The following P3H2 variants were observed in gnomAD, a reference collection of about 807,000 sequenced individuals.
P3H2 encodes prolyl 3-hydroxylase 2, also known as leprecan-like 1.
A neutral mutation model predicts 87.0 loss-of-function variants in P3H2; 80 were observed. That is an observed-to-expected ratio of 0.92 (90% CI 0.77 to 1.11). The LOEUF is 1.11. P3H2 is among the 50% of genes least tolerant of loss of function. The pLI is 0.00. For missense variants in P3H2, 1,001 were observed against 923.9 expected (o/e 1.08, Z -1.08); for synonymous variants, 367 against 359.3 (o/e 1.02, Z -0.24).
At chr3:189,967,350 C>A (rs992872618) in intron 13 of P3H2, among the ~76,000 whole-genome samples, 1 of 150,416 alleles carries the variant, frequency 6.6e-6, no homozygotes, top group Non-Finnish European at 1.5e-5. Context: ...AGAATATTAT[C>A]TGCTTTCACA....
chr3:189,991,468 T>C (rs374029363), intron 3 of P3H2, among the ~76,000 whole-genome samples: 19 of 152,236 alleles, frequency 1.2e-4, no homozygotes, highest in African/African-American at 4.6e-4. Context: ...TGCTATGAGA[T>C]AGATGGATAT....
intron 8 of P3H2, among the ~76,000 whole-genome samples, chr3:189,981,348 C>A (rs751475073): frequency 6.6e-6 from 1 of 152,174 alleles, no homozygotes; most frequent in Non-Finnish European, 1.5e-5. Flanking sequence ...TCCAGACAGA[C>A]AGTGTCAGAA....
chr3:189,972,114 C>A (rs764643329), intron 11 of P3H2, 107 bp from the exon 12 acceptor site: 2 of 759,734 alleles, frequency 2.6e-6, no homozygotes, highest in Non-Finnish European at 4.8e-6. Context: ...TGCAAATGGG[C>A]AGAGGCAGAC....
intron 12 of P3H2, among the ~76,000 whole-genome samples, chr3:189,971,366 TAC>T (rs2108908005): frequency 6.6e-6 from 1 of 152,350 alleles, no homozygotes; most frequent in African/African-American, 2.4e-5. Flanking sequence ...TGGAATCGAG[TAC>T]AGTGTAGTAA....
intron 1 of P3H2, among the ~76,000 whole-genome samples, chr3:190,109,440 G>A (rs67780977): frequency 0.12 from 18,877 of 152,194 alleles, 1,300 homozygotes; most frequent in Middle Eastern, 0.21. Flanking sequence ...CAAAGAAAAC[G>A]TACAGGTTGC....
intron 1 of P3H2, among the ~76,000 whole-genome samples, chr3:190,085,991 A>G (rs1727199500): frequency 6.6e-6 from 1 of 152,190 alleles, no homozygotes; most frequent in South Asian, 2.1e-4. Flanking sequence ...AATTTACTAA[A>G]AGATTTAAAT....
intron 1 of P3H2, among the ~76,000 whole-genome samples, chr3:190,017,399 A>G (rs990782418): frequency 5.3e-5 from 8 of 152,214 alleles, no homozygotes; most frequent in Non-Finnish European, 1.0e-4. Flanking sequence ...AAAATATTTC[A>G]AAAAGGTATT....
At position 189,989,010 on chromosome 3, in the gene P3H2, C is replaced by T. The variant is rs2108920231; in HGVS notation, c.852G>A (p.Gln284=). 2.5e-6 allele frequency: 4 copies of T among 1,614,074 alleles called. No individual in the cohort carries two copies. Among genetic ancestry groups the T allele is most frequent in the Middle Eastern group, 3.3e-4 (2 of 6,062 alleles). ...ADHYMQVLVC[Q]HECVRELATR... ...TGGCAAGTTCCCTCACACATTCATG[C>T]TGACAAACAAGCACCTGCATGTAGT... Residue 284 remains glutamine (Q), a synonymous_variant, in exon 4 of 15, where the codon CAG becomes CAA. Transcript: ENST00000319332.
chr3:190,082,228 C>G (rs1727066900), intron 1 of P3H2, among the ~76,000 whole-genome samples: 2 of 152,124 alleles, frequency 1.3e-5, no homozygotes, highest in Admixed American at 1.3e-4. Context: ...TGCACTCCAG[C>G]CTGAGTGACA....
At chr3:190,001,798 A>C (rs531198747) in intron 1 of P3H2, among the ~76,000 whole-genome samples, 1 of 152,278 alleles carries the variant, frequency 6.6e-6, no homozygotes, top group Admixed American at 6.5e-5. Flanking sequence ...TAGACATTTC[A>C]TTACTTGCTA....
intron 1 of P3H2, among the ~76,000 whole-genome samples, chr3:190,035,549 T>A (rs1029171802): frequency 2.0e-5 from 3 of 152,334 alleles, no homozygotes; most frequent in Non-Finnish European, 2.9e-5. Context: ...CATCTCTTTG[T>A]CACTCCCTTT....
At chr3:189,969,813 C>A in intron 13 of P3H2, 1 of 1,603,696 alleles carries the variant, frequency 6.2e-7, no homozygotes, top group Non-Finnish European at 8.5e-7. Context: ...AGGCCTGTTC[C>A]ACCAATTATT....
intron 1 of P3H2, among the ~76,000 whole-genome samples, chr3:190,071,881 C>G (rs76718795): frequency 0.019 from 2,824 of 151,174 alleles, 87 homozygotes; most frequent in African/African-American, 0.066. Context: ...AAGAAAAATA[C>G]TTCAATAAAA....
chr3:190,068,624 T>C (rs954385690), intron 1 of P3H2, among the ~76,000 whole-genome samples: 1 of 152,204 alleles, frequency 6.6e-6, no homozygotes, highest in African/African-American at 2.4e-5. Context: ...TTTGTTTTCT[T>C]TGAAAAACTA....
At chr3:190,082,915 T>C (rs1727091042) in intron 1 of P3H2, among the ~76,000 whole-genome samples, 1 of 152,204 alleles carries the variant, frequency 6.6e-6, no homozygotes, top group South Asian at 2.1e-4. Context: ...TATACCTATA[T>C]TTATAAACAA....
intron 1 of P3H2, among the ~76,000 whole-genome samples, chr3:190,027,996 T>A (rs1445914462): frequency 6.6e-6 from 1 of 151,672 alleles, no homozygotes; most frequent in Non-Finnish European, 1.5e-5. Flanking sequence ...GAACCAGGCT[T>A]CCACTACCTC....
chr3:190,007,379 G>A (rs1328818473), intron 1 of P3H2, among the ~76,000 whole-genome samples: 1 of 152,094 alleles, frequency 6.6e-6, no homozygotes, highest in Non-Finnish European at 1.5e-5. Context: ...TATTTTTTAG[G>A]TGGCTACAAA....
In P3H2 at chr3:189,999,715, A is replaced by G. The variant is rs1431691507; in HGVS notation, c.481-4273T>C. ...GGGGGTAACTCTATGCATTAGAAAA[A>G]TAAACTGTGAAATAAAGAACAATGG... On this transcript the variant is annotated intron_variant, in intron 1 of 14. Transcript: ENST00000319332. Among the ~76,000 whole-genome samples the G allele has an allele frequency of 2.6e-5, 4 of 152,228 alleles. No individual in the cohort carries two copies. The South Asian group carries it at 6.2e-4, about 24-fold the overall frequency.
At chr3:189,990,042 A>G (rs1723830348) in intron 3 of P3H2, among the ~76,000 whole-genome samples, 2 of 150,582 alleles carry the variant, frequency 1.3e-5, no homozygotes, top group South Asian at 4.3e-4. Flanking sequence ...ATAGCTGTGC[A>G]ATTTAATTTA....
Sources: allele counts gnomAD v4.1 joint callset (sites outside exome capture counted in the v4.1 genomes callset), GRCh38; gene constraint gnomAD v4.1.1; transcripts MANE v1.5; gene names NCBI Gene and HGNC (gene_info 2026-07-23, HGNC 2026-07-21).